The following HLCS variants were observed in gnomAD, a reference collection of about 807,000 sequenced individuals.
The protein encoded by HLCS is holocarboxylase synthetase, also known as biotin--protein ligase.
HLCS carries 53 observed loss-of-function variants against 75.0 expected under a neutral mutation model. The ratio of observed to expected loss-of-function variants is 0.71; its 90% CI spans 0.57 to 0.89. The LOEUF is 0.89. HLCS is among the 40% of genes least tolerant of loss of function. HLCS has a pLI of 0.00. For synonymous variants in HLCS, 431 were observed against 428.6 expected (o/e 1.01, Z -0.07); for missense variants, 966 against 1,074.0 (o/e 0.90, Z 1.41).
At chr21:36,835,952 C>A (rs575190376) in intron 6 of HLCS, among the ~76,000 whole-genome samples, 1 of 151,992 alleles carries the variant, frequency 6.6e-6, no homozygotes, top group African/African-American at 2.4e-5. Context: ...CTTAGAGTGG[C>A]CTTCTACACC....
chr21:36,793,350 C>T lies in HLCS; in HGVS notation c.1893-26065G>A, dbSNP rs544114982. 6.2e-5 allele frequency among the ~76,000 whole-genome samples: 9 copies of T among 144,866 alleles called. No homozygotes were observed. The South Asian group carries it at 1.5e-3, about 25-fold the overall frequency. On this transcript the variant is annotated intron_variant, in intron 6 of 10. Coordinates refer to ENST00000674895, the MANE Select transcript of HLCS (RefSeq NM_001352514.2). ...TCGCTCTGTTGCCCAGGCTGGAGTG[C>T]AGTGGCGCAATCTTGGCTCACTTCT...
intron 1 of HLCS, among the ~76,000 whole-genome samples, chr21:36,989,314 CTTTT>C (rs35073331): frequency 0.1 from 7,996 of 79,992 alleles, 469 homozygotes; most frequent in Middle Eastern, 0.22. Context: ...TCTGGCCCAT[CTTTT>C]TTTTTTTTTT....
intron 6 of HLCS, among the ~76,000 whole-genome samples, chr21:36,877,451 C>A (rs923344271): frequency 3.9e-5 from 6 of 151,948 alleles, no homozygotes; most frequent in African/African-American, 1.5e-4. Flanking sequence ...TACATCCTTA[C>A]CTTTTATATC....
intron 1 of HLCS, among the ~76,000 whole-genome samples, chr21:36,988,518 T>C (rs1036325998): frequency 2.6e-5 from 4 of 152,344 alleles, no homozygotes; most frequent in East Asian, 1.9e-4. Context: ...TGAGTGACCT[T>C]GTACATATAT....
At chr21:36,870,048 G>A (rs1008192915) in intron 6 of HLCS, among the ~76,000 whole-genome samples, 2 of 152,162 alleles carry the variant, frequency 1.3e-5, no homozygotes, top group African/African-American at 2.4e-5. Flanking sequence ...TGTTTGCCAC[G>A]ATTTTAAAAT....
intron 1 of HLCS, among the ~76,000 whole-genome samples, chr21:36,981,696 G>T (rs1023658580): frequency 6.6e-6 from 1 of 151,944 alleles, no homozygotes; most frequent in Non-Finnish European, 1.5e-5. Flanking sequence ...CACTGCATCC[G>T]GCCTTAACCT....
At chr21:36,964,790 T>A (rs1240407903) in intron 1 of HLCS, among the ~76,000 whole-genome samples, 1 of 152,102 alleles carries the variant, frequency 6.6e-6, no homozygotes. Flanking sequence ...TCCAAGAAAA[T>A]CAGACATTCC....
At chr21:36,868,258 A>G (rs987781708) in intron 6 of HLCS, among the ~76,000 whole-genome samples, 2 of 148,850 alleles carry the variant, frequency 1.3e-5, no homozygotes, top group Non-Finnish European at 3.0e-5. Context: ...AAAGAAAGAG[A>G]GAAGGAAGGA....
chr21:36,884,272 C>T (rs1258812500), intron 6 of HLCS, among the ~76,000 whole-genome samples: 1 of 152,242 alleles, frequency 6.6e-6, no homozygotes, highest in Non-Finnish European at 1.5e-5. Context: ...ATTTTTCCCA[C>T]CACCCTTACC....
rs762619887 is a variant in HLCS, at chr21:36,936,696, A to G, written c.1190T>C (p.Phe397Ser). 1.2e-6 allele frequency: 2 copies of G among 1,614,098 alleles called. No homozygotes were observed. The highest frequency in any genetic ancestry group is 1.3e-5 in the African/African-American group (1 of 74,940). Reference protein sequence around the residue: ...GGKVLGLSSSFTFGGFQVTSK... With the variant: ...GGKVLGLSSSSTFGGFQVTSK... ...TGTCACCTGAAAGCCACCAAAGGTG[A>G]AGGATGAAGACAGGCCCAACACCTT... The change falls in exon 4 of 11, where the codon TTC becomes TCC. Residue 397 changes from phenylalanine to serine, a missense_variant. Coordinates refer to ENST00000674895, the MANE Select transcript of HLCS (RefSeq NM_001352514.2).
rs142128347 is a variant in HLCS at position 36,851,072 on chromosome 21, C to T, written c.1892+45788G>A. On this transcript the variant is annotated intron_variant, in intron 6 of 10. Coordinates refer to ENST00000674895, the MANE Select transcript of HLCS (RefSeq NM_001352514.2). ...TCAGCAAAAGCTTTTTGTACCTCCCCTCCCTCCATGGAAAAACAAAAAGGT... is the reference window on the plus strand; with the variant it reads ...TCAGCAAAAGCTTTTTGTACCTCCCTTCCCTCCATGGAAAAACAAAAAGGT... Among the ~76,000 whole-genome samples, 751 of 152,274 alleles carry T rather than the reference C, an allele frequency of 4.9e-3. 3 individuals are homozygous for T. Among genetic ancestry groups the T allele is most frequent in the African/African-American group, 0.016 (666 of 41,542 alleles).
chr21:36,781,235 C>T (rs867382827), intron 6 of HLCS, among the ~76,000 whole-genome samples: 9 of 133,762 alleles, frequency 6.7e-5, no homozygotes, highest in South Asian at 4.7e-4. Flanking sequence ...CCAGCCTAGA[C>T]AACAGGAGCG....
At chr21:36,792,176 C>G (rs1420913440) in intron 6 of HLCS, among the ~76,000 whole-genome samples, 1 of 152,028 alleles carries the variant, frequency 6.6e-6, no homozygotes, top group African/African-American at 2.4e-5. Context: ...ATAGTGAAAC[C>G]TAGAAGGGGA....
intron 6 of HLCS, among the ~76,000 whole-genome samples, chr21:36,785,355 G>T: frequency 6.6e-6 from 1 of 152,190 alleles, no homozygotes. Context: ...CCCCGTGAAC[G>T]AAACCTGGTT....
intron 2 of HLCS, among the ~76,000 whole-genome samples, chr21:36,947,149 G>T (rs2067442169): frequency 6.6e-6 from 1 of 152,144 alleles, no homozygotes; most frequent in Non-Finnish European, 1.5e-5. Flanking sequence ...TAAAAACATT[G>T]ATTTAGCCCC....
chr21:36,926,765 C>A (rs2066426318), intron 5 of HLCS, among the ~76,000 whole-genome samples: 2 of 122,024 alleles, frequency 1.6e-5, no homozygotes, highest in Non-Finnish European at 1.7e-5. Flanking sequence ...TTTTTTGAGA[C>A]AGGGTCTCAC....
At chr21:36,755,159 G>C (rs1446533241) in intron 10 of HLCS, among the ~76,000 whole-genome samples, 2 of 152,018 alleles carry the variant, frequency 1.3e-5, no homozygotes, top group Non-Finnish European at 2.9e-5. Context: ...CACTTTGGGA[G>C]GCCAAGGTGG....
At chr21:36,770,235 C>T (rs548943635) in intron 6 of HLCS, among the ~76,000 whole-genome samples, 1 of 147,578 alleles carries the variant, frequency 6.8e-6, no homozygotes, top group Admixed American at 6.8e-5. Flanking sequence ...CAACCTCCAT[C>T]TCCAAGGTTT....
chr21:36,910,995 A>C (rs1302699046), intron 5 of HLCS, among the ~76,000 whole-genome samples: 1 of 152,220 alleles, frequency 6.6e-6, no homozygotes, highest in East Asian at 1.9e-4. Flanking sequence ...ACAAACATCC[A>C]GGCTGACCGT....
Sources: allele counts gnomAD v4.1 joint callset (sites outside exome capture counted in the v4.1 genomes callset), GRCh38; gene constraint gnomAD v4.1.1; transcripts MANE v1.5; gene names NCBI Gene and HGNC (gene_info 2026-07-23, HGNC 2026-07-21).